Variants in PCDHGB2 observed in about 807,000 individuals in gnomAD.
PCDHGB2 encodes the protein protocadherin gamma subfamily B, 2, also known as protocadherin gamma-B2.
PCDHGB2 carries 55 observed loss-of-function variants against 59.3 expected under a neutral mutation model. That is an observed-to-expected ratio of 0.93 (90% CI 0.75 to 1.16). PCDHGB2 has a LOEUF of 1.16. Among genes scored for constraint, PCDHGB2 ranks in the 50% most tolerant of loss-of-function variants. The pLI is 0.00. For missense variants in PCDHGB2, 1,228 were observed against 1,198.5 expected (o/e 1.02, Z -0.36); for synonymous variants, 516 against 512.0 (o/e 1.01, Z -0.11).
chr5:141,372,851 T>C lies in PCDHGB2; in HGVS notation c.2421+10295T>C, dbSNP rs756598936. 24 of 1,459,588 alleles carry C rather than the reference T, an allele frequency of 1.6e-5. No individual in the cohort carries two copies. The South Asian group carries it at 3.2e-4, about 19-fold the overall frequency. The allele number at this position is 1,459,588 out of a possible 1,614,324, so 90.4% of individuals were successfully genotyped here. A position where few individuals can be genotyped will look rare whatever the true frequency, so the allele number is the denominator to read the frequency against. ...CTTTCCTTCCATAAATATAATTGGG[T>C]TTCAATTCATTGATTTAGAGATAAA... On this transcript the variant is annotated intron_variant, in intron 1 of 3. Coordinates refer to ENST00000522605, the MANE Select transcript of PCDHGB2 (RefSeq NM_018923.3).
At chr5:141,500,185 TTTA>T (rs549090582) in intron 2 of PCDHGB2, among the ~76,000 whole-genome samples, 1 of 55,104 alleles carries the variant, frequency 1.8e-5, no homozygotes, top group Non-Finnish European at 3.2e-5. Flanking sequence ...CATTTTTATT[TTTA>T]TTTATTTATT....
intron 1 of PCDHGB2, among the ~76,000 whole-genome samples, chr5:141,460,117 T>G (rs1454761302): frequency 6.6e-6 from 1 of 151,982 alleles, no homozygotes; most frequent in Non-Finnish European, 1.5e-5. Context: ...ATGATTTTTA[T>G]ATATGTAATA....
rs779949817 is a variant in PCDHGB2 at position 141,487,266 on chromosome 5, T to G, written c.2422-7541T>G. The G allele has an allele frequency of 6.2e-7, 1 of 1,614,054 alleles. No individual in the cohort carries two copies. The highest frequency in any genetic ancestry group is 8.5e-7 in the Non-Finnish European group (1 of 1,180,044). On this transcript the variant is annotated intron_variant, in intron 1 of 3. Transcript: ENST00000522605. This position sits in a 1 kb window ranked among gnomAD's most constrained non-coding sequence, Gnocchi z 5.0. The stretch of plus-strand genomic sequence containing the variant: ...ACCCTCTACTTGGCTGTGTCCCTAG[T>G]GGCAATTTGCTTTGTCTCCTTTGGC...
At chr5:141,400,165 C>T (rs749867110) in intron 1 of PCDHGB2, 2 of 1,614,040 alleles carry the variant, frequency 1.2e-6, no homozygotes, top group South Asian at 2.2e-5. Flanking sequence ...ACCCTCTGAC[C>T]CCCAGGCTGA....
intron 1 of PCDHGB2, chr5:141,371,552 A>G (rs1414054761): frequency 1.9e-6 from 3 of 1,613,854 alleles, no homozygotes; most frequent in Admixed American, 1.7e-5. Context: ...TATGCCAACT[A>G]AAAGGAAACT....
chr5:141,372,791 T>C, intron 1 of PCDHGB2: 2 of 1,600,738 alleles, frequency 1.2e-6, no homozygotes, highest in Non-Finnish European at 8.5e-7. Flanking sequence ...TGCCTTCTAA[T>C]TCAGGCAATT....
At chr5:141,423,558 G>A (rs770532900) in intron 1 of PCDHGB2, 1 of 1,613,462 alleles carries the variant, frequency 6.2e-7, no homozygotes, top group African/African-American at 1.3e-5. Flanking sequence ...CCAACTATGG[G>A]GACACGCTCA....
At position 141,485,709 on chromosome 5, in the gene PCDHGB2, C is replaced by A. The variant is rs2099618118; in HGVS notation, c.2422-9098C>A. On this transcript the variant is annotated intron_variant, in intron 1 of 3. Transcript: ENST00000522605. This position sits in a 1 kb window ranked among gnomAD's most constrained non-coding sequence, Gnocchi z 5.7. ...AGGCTGAGCTCCAATGAACACTTTGCACTGGATGTGAAGAAGCGCAGCGAC... is the reference window on the plus strand; with the variant it reads ...AGGCTGAGCTCCAATGAACACTTTGAACTGGATGTGAAGAAGCGCAGCGAC... The A allele has an allele frequency of 1.2e-6, 2 of 1,614,128 alleles. No homozygotes were observed. The highest frequency in any genetic ancestry group is 1.7e-6 in the Non-Finnish European group (2 of 1,180,028).
Position 141,454,887 on chromosome 5 carries a change from T to C in PCDHGB2, c.2422-39920T>C, listed in dbSNP as rs1291501766. Among the ~76,000 whole-genome samples, 3 of 138,310 alleles carry C rather than the reference T, an allele frequency of 2.2e-5. No homozygotes were observed. The Admixed American group carries it at 2.3e-4, about 11-fold the overall frequency. 90.7% of individuals were successfully genotyped at this position (138,310 alleles called of 152,430 possible). A position where few individuals can be genotyped will look rare whatever the true frequency, so the allele number is the denominator to read the frequency against. ...CAGTGGCACGATCTTGGCTCACTGC[T>C]AGCACCGCCTCCCGGGTTCACGCCA... On this transcript the variant is annotated intron_variant, in intron 1 of 3. Coordinates refer to ENST00000522605, the MANE Select transcript of PCDHGB2 (RefSeq NM_018923.3).
At chr5:141,420,530 A>G (rs1038635436) in intron 1 of PCDHGB2, 9 of 336,858 alleles carry the variant, frequency 2.7e-5, no homozygotes, top group African/African-American at 6.4e-5. Flanking sequence ...CCTTTCGGTT[A>G]AAAATATAAA....
In PCDHGB2 at chr5:141,383,648, C is replaced by T. The variant is rs781494472; in HGVS notation, c.2421+21092C>T. 2.5e-6 allele frequency: 4 copies of T among 1,614,034 alleles called. No individual in the cohort carries two copies. The Admixed American group carries it at 6.7e-5, about 27-fold the overall frequency. On this transcript the variant is annotated intron_variant, in intron 1 of 3. Transcript: ENST00000522605. Reference sequence around the variant, plus strand: ...TTCTCTCTGCCTCAGTACCAAGTAACTGTCCCCGAGAATGTGCCAGTGGGT... The same window carrying T: ...TTCTCTCTGCCTCAGTACCAAGTAATTGTCCCCGAGAATGTGCCAGTGGGT...
At chr5:141,414,099 A>C in intron 1 of PCDHGB2, 3 of 1,593,504 alleles carry the variant, frequency 1.9e-6, no homozygotes, top group Non-Finnish European at 8.5e-7. Flanking sequence ...TAAAAATATC[A>C]GAAAATCTAG....
At position 141,477,539 on chromosome 5, in the gene PCDHGB2, C is replaced by G; in HGVS notation, c.2422-17268C>G. 2 of 1,614,172 alleles carry G rather than the reference C, an allele frequency of 1.2e-6. No individual in the cohort carries two copies. The highest frequency in any genetic ancestry group is 1.7e-6 in the Non-Finnish European group (2 of 1,180,030). On this transcript the variant is annotated intron_variant, in intron 1 of 3. Transcript: ENST00000522605. The surrounding 1 kb of genome is among the most constrained non-coding windows in gnomAD (Gnocchi z 4.9). ...TGAAGAAAACAACCTCCCCGGGGCT[C>G]CAATACTAAACCTAAGTGTCTGGGA...
intron 1 of PCDHGB2, chr5:141,399,478 G>T (rs367753385): frequency 2.0e-5 from 32 of 1,613,894 alleles, no homozygotes; most frequent in Non-Finnish European, 2.6e-5. Context: ...TTTCCACCAG[G>T]CGTCCTACTT....
At chr5:141,399,632 C>A in intron 1 of PCDHGB2, 2 of 1,613,894 alleles carry the variant, frequency 1.2e-6, no homozygotes, top group Non-Finnish European at 1.7e-6. Context: ...TCTTACGTGT[C>A]CATGAGCGCG....
chr5:141,438,591 C>CATATATATATAT (rs946798767), intron 1 of PCDHGB2, among the ~76,000 whole-genome samples: 3 of 75,560 alleles, frequency 4.0e-5, no homozygotes, highest in Non-Finnish European at 5.4e-5. Flanking sequence ...TACATACATA[C>CATATATATATAT]ATATATATAT....
At chr5:141,363,138 T>C (rs1359700757) in intron 1 of PCDHGB2, among the ~76,000 whole-genome samples, 1 of 152,214 alleles carries the variant, frequency 6.6e-6, no homozygotes, top group Non-Finnish European at 1.5e-5. Flanking sequence ...AAAGAGTGCA[T>C]TTAACAAATG....
intron 1 of PCDHGB2, chr5:141,419,146 GCCT>G: frequency 6.2e-7 from 1 of 1,613,922 alleles, no homozygotes; most frequent in East Asian, 2.2e-5. Context: ...ACAGGGGCAA[GCCT>G]CCGTTATCCT....
At chr5:141,474,888 G>T (rs1349812637) in intron 1 of PCDHGB2, among the ~76,000 whole-genome samples, 1 of 152,176 alleles carries the variant, frequency 6.6e-6, no homozygotes, top group Non-Finnish European at 1.5e-5. Context: ...ACTCTTAGAG[G>T]TTCATTTCTT....
Sources: gnomAD v4.1 joint callset for allele counts (sites outside exome capture counted in the v4.1 genomes callset) on GRCh38, gnomAD v4.1.1 for gene constraint, Gnocchi (gnomAD v3.1) non-coding constraint, MANE v1.5 for transcripts, NCBI Gene and HGNC (gene_info 2026-07-23, HGNC 2026-07-21) for gene names.